Variants in DLL3 observed in about 807,000 individuals in gnomAD.
DLL3 encodes the protein delta like canonical Notch ligand 3.
DLL3 carries 49 observed loss-of-function variants against 55.0 expected under a neutral mutation model. The ratio of observed to expected loss-of-function variants is 0.89; its 90% CI spans 0.71 to 1.13. The LOEUF (loss-of-function observed/expected upper bound fraction) is 1.13. Ranked by LOEUF, DLL3 falls within the 50% of genes most tolerant of loss-of-function variation. DLL3 has a pLI of 0.00. For missense variants in DLL3, 962 were observed against 875.5 expected (o/e 1.10, Z -1.25); for synonymous variants, 421 against 385.2 (o/e 1.09, Z -1.09).
intron 7 of DLL3, 51 bp from the exon 8 acceptor site, chr19:39,507,779 G>T: frequency 6.2e-7 from 1 of 1,612,844 alleles, no homozygotes; most frequent in Non-Finnish European, 8.5e-7. Context: ...GGGAAAACAA[G>T]ATCTGAGAAT....
chr19:39,507,852 C>T lies in DLL3; in HGVS notation c.1696C>T (p.Pro566Ser). The T allele has an allele frequency of 6.2e-7, 1 of 1,614,078 alleles. No homozygotes were observed. Among genetic ancestry groups the T allele is most frequent in the Middle Eastern group, 1.6e-4 (1 of 6,062 alleles). ...CAGCTCGTCCGTAGATTGGAATCGC[C>T]CTGAAGATGTAGACCCTCAAGGGAT... ...GPSSSVDWNR[P>S]EDVDPQGIYV... The change falls in exon 8 of 9, where the codon CCT (proline) becomes TCT (serine). Residue 566 changes from proline (P) to serine (S), a missense_variant. By Grantham distance (74) the Pro-to-Ser change is moderately conservative. Transcript: ENST00000356433.
chr19:39,502,181 C>A (rs558667577), intron 3 of DLL3, among the ~76,000 whole-genome samples: 1 of 151,280 alleles, frequency 6.6e-6, no homozygotes, highest in Non-Finnish European at 1.5e-5. Context: ...AGTGAGACTC[C>A]GTCGCAAAAA....
At position 39,508,221 on chromosome 19, in the gene DLL3, C is replaced by G. The variant is rs200669115; in HGVS notation, c.1759-31C>G. On this transcript the variant is annotated intron_variant, in intron 8 of 8. Transcript: ENST00000356433. ...GGCAGGGGAGGCAGAGGGGCAGCCT[C>G]TCTAATGCTTCCTACTCATTTTGTT... 4.2e-4 allele frequency: 679 copies of G among 1,614,040 alleles called. No individual in the cohort carries two copies. Among genetic ancestry groups the G allele is most frequent in the Non-Finnish European group, 5.0e-4 (594 of 1,180,004 alleles).
chr19:39,499,587 G>A, intron 2 of DLL3, 114 bp downstream of exon 2: 1 of 1,390,052 alleles, frequency 7.2e-7, no homozygotes. Flanking sequence ...CCAGGGGGTG[G>A]ACGAAATTCC....
chr19:39,506,045 TA>T (rs2079638589), intron 6 of DLL3, among the ~76,000 whole-genome samples: 1 of 151,800 alleles, frequency 6.6e-6, no homozygotes, highest in African/African-American at 2.4e-5. Flanking sequence ...ACCCCGTCTC[TA>T]CTAAAAATAC....
chr19:39,508,373 A>T lies in DLL3; in HGVS notation c.*116A>T. 8.3e-7 allele frequency: 1 copy of T among 1,206,502 alleles called. No homozygotes were observed. The highest frequency in any genetic ancestry group is 1.2e-5 in the South Asian group (1 of 82,222). 74.7% of individuals were successfully genotyped at this position (1,206,502 alleles called of 1,614,324 possible). On this transcript the variant is annotated 3_prime_UTR_variant, in exon 9 of 9. Coordinates refer to ENST00000356433, the MANE Select transcript of DLL3 (RefSeq NM_203486.3). ...CAATCTTGAAGGGGTGTCTGGGGGA[A>T]CTTTACTGTTGCAAGTTGTAAATAA... is the stretch of plus-strand genomic sequence containing the variant.
chr19:39,501,213 G>C (rs2079607948), intron 3 of DLL3, among the ~76,000 whole-genome samples: 1 of 152,072 alleles, frequency 6.6e-6, no homozygotes, highest in Non-Finnish European at 1.5e-5. Flanking sequence ...ATGTTGTCCA[G>C]GCTGGTCTTG....
In DLL3 at chr19:39,499,310, G is replaced by A. The variant is rs1164219972; in HGVS notation, c.188G>A (p.Cys63Tyr). The change falls in exon 2 of 9, where the codon TGC (cysteine) becomes TAC (tyrosine). Residue 63 changes from cysteine to tyrosine, a missense_variant. Coordinates refer to ENST00000356433, the MANE Select transcript of DLL3 (RefSeq NM_203486.3). ...CCCTGCCGCCTCTTCTTCAGAGTCT[G>A]CCTGAAGCCTGGGCTCTCAGAGGAG... Reference protein sequence around the residue: ...RLPCRLFFRVCLKPGLSEEAA... With the variant: ...RLPCRLFFRVYLKPGLSEEAA... 2 of 1,544,776 alleles carry A rather than the reference G, an allele frequency of 1.3e-6. No individual in the cohort carries two copies. The highest frequency in any genetic ancestry group is 8.7e-7 in the Non-Finnish European group (1 of 1,149,548).
At chr19:39,506,000 C>T (rs1295303440) in intron 6 of DLL3, among the ~76,000 whole-genome samples, 2 of 151,992 alleles carry the variant, frequency 1.3e-5, no homozygotes, top group Non-Finnish European at 1.5e-5. Flanking sequence ...CACCTGAGCT[C>T]AGGAGTTGGA....
rs369324363 is a variant in DLL3, at chr19:39,500,420, TC to T, written c.352-183del. 0.24 allele frequency among the ~76,000 whole-genome samples: 22,601 copies of T among 93,456 alleles called. 2,195 individuals carry two copies. The highest frequency in any genetic ancestry group is 0.43 in the East Asian group (1,401 of 3,240). The allele number at this position is 93,456 out of a possible 152,430, so 61.3% of individuals were successfully genotyped here. A position where few individuals can be genotyped will look rare whatever the true frequency, so the allele number is the denominator to read the frequency against. On this transcript the variant is annotated intron_variant, in intron 2 of 8. Coordinates refer to ENST00000356433, the MANE Select transcript of DLL3 (RefSeq NM_203486.3). Reference sequence around the variant, plus strand: ...CAGCCTGGTTGACAAAGTGAGATTCTCCCCCCCCCCCCAAAAAAAAGCCACA... The same window carrying T: ...CAGCCTGGTTGACAAAGTGAGATTCTCCCCCCCCCCCAAAAAAAAGCCACA...
Position 39,498,962 on chromosome 19 carries a change from C to A in DLL3, c.-13C>A, listed in dbSNP as rs1414809252. The A allele has an allele frequency of 1.2e-6, 2 of 1,613,896 alleles. No individual in the cohort carries two copies. Among genetic ancestry groups the A allele is most frequent in the African/African-American group, 1.3e-5 (1 of 74,886 alleles). ...AGCAGCTGCGACTCCCGAGACCCCCCCACCAGAAGGCCATGGTCTCCCCAC... is the reference window on the plus strand; with the variant it reads ...AGCAGCTGCGACTCCCGAGACCCCCACACCAGAAGGCCATGGTCTCCCCAC... On this transcript the variant is annotated 5_prime_UTR_variant, in exon 1 of 9. Coordinates refer to ENST00000356433, the MANE Select transcript of DLL3 (RefSeq NM_203486.3).
chr19:39,508,368 G>A lies in DLL3; in HGVS notation c.*111G>A. ...GAGTTCAATCTTGAAGGGGTGTCTG[G>A]GGGAACTTTACTGTTGCAAGTTGTA... On this transcript the variant is annotated 3_prime_UTR_variant, in exon 9 of 9. Transcript: ENST00000356433. 7.8e-7 allele frequency: 1 copy of A among 1,280,804 alleles called. No homozygotes were observed. The highest frequency in any genetic ancestry group is 1.1e-6 in the Non-Finnish European group (1 of 882,348). The allele number at this position is 1,280,804 out of a possible 1,614,324, so 79.3% of individuals were successfully genotyped here.
rs765398793 is a variant in DLL3, at chr19:39,504,238, G to A, written c.820G>A (p.Gly274Arg). The A allele has an allele frequency of 6.2e-7, 1 of 1,613,080 alleles. No individual in the cohort carries two copies. Among genetic ancestry groups the A allele is most frequent in the South Asian group, 1.1e-5 (1 of 91,092 alleles). ...TGCTACCACCGGATGCCTTGTCCCT[G>A]GGCCTGGGCCCTGTGACGGGAACCC... ...SSATTGCLVP[G>R]PGPCDGNPCA... Residue 274 changes from glycine to arginine, a missense_variant, in exon 5 of 9, where the codon GGG (glycine) becomes AGG (arginine). Transcript: ENST00000356433.
In DLL3 at chr19:39,507,207, T is replaced by C. The variant is rs2144764214; in HGVS notation, c.1262T>C (p.Phe421Ser). The change falls in exon 7 of 9, where the codon TTC becomes TCC. Residue 421 changes from phenylalanine to serine, a missense_variant. Coordinates refer to ENST00000356433, the MANE Select transcript of DLL3 (RefSeq NM_203486.3). ...CACCGCTGCTCCTGCGCGCTGGGCT[T>C]CGGCGGCCGCGACTGCCGCGAGCGC... ...GAHRCSCALGFGGRDCRERAD... is the reference protein window; with the variant it reads ...GAHRCSCALGSGGRDCRERAD... 2 of 1,319,014 alleles carry C rather than the reference T, an allele frequency of 1.5e-6. No individual in the cohort carries two copies. The highest frequency in any genetic ancestry group is 1.9e-6 in the Non-Finnish European group (2 of 1,044,456). The allele number at this position is 1,319,014 out of a possible 1,614,324, so 81.7% of individuals were successfully genotyped here.
At chr19:39,506,211 C>CAAAAAAAAA (rs541216671) in intron 6 of DLL3, among the ~76,000 whole-genome samples, 1 of 54,530 alleles carries the variant, frequency 1.8e-5, no homozygotes, top group South Asian at 6.5e-4. Context: ...CACTCTGTCT[C>CAAAAAAAAA]AAAAAAAAAA....
intron 4 of DLL3, among the ~76,000 whole-genome samples, chr19:39,503,519 C>T (rs1207550244): frequency 6.6e-6 from 1 of 152,216 alleles, no homozygotes; most frequent in Admixed American, 6.5e-5. Flanking sequence ...CCTCCCAGTC[C>T]ACTCTGGCCA....
chr19:39,502,823 T>C lies in DLL3; in HGVS notation c.418T>C (p.Trp140Arg). Reference sequence around the variant, plus strand: ...TTTGCCTGTCCTCGCAGGGCCCGCCTGGAGCCTGCTGGCGCGCGTGGCTGG... The same window carrying C: ...TTTGCCTGTCCTCGCAGGGCCCGCCCGGAGCCTGCTGGCGCGCGTGGCTGG... ...ELGDQIGGPA[W>R]SLLARVAGRR... Residue 140 changes from tryptophan to arginine, a missense_variant, in exon 4 of 9, where the codon TGG becomes CGG. Coordinates refer to ENST00000356433, the MANE Select transcript of DLL3 (RefSeq NM_203486.3). The C allele has an allele frequency of 7.0e-7, 1 of 1,419,464 alleles. No individual in the cohort carries two copies. Among genetic ancestry groups the C allele is most frequent in the South Asian group, 1.5e-5 (1 of 65,810 alleles). The allele number at this position is 1,419,464 out of a possible 1,614,324, so 87.9% of individuals were successfully genotyped here.
chr19:39,502,707 T>G, intron 3 of DLL3, 108 bp from the exon 4 acceptor site: 2 of 1,244,544 alleles, frequency 1.6e-6, no homozygotes, highest in Non-Finnish European at 2.0e-6. Flanking sequence ...TCCATGAGGG[T>G]GTTTTGGCCT....
In DLL3 at chr19:39,502,909, G is replaced by T; in HGVS notation, c.504G>T (p.Trp168Cys). Reference protein sequence around the residue: ...WARDIQRAGAWELRFSYRARC... With the variant: ...WARDIQRAGACELRFSYRARC... Reference sequence around the variant, plus strand: ...GGGACATTCAGCGCGCAGGCGCCTGGGAGCTGCGCTTCTCGTACCGCGCGC... The same window carrying T: ...GGGACATTCAGCGCGCAGGCGCCTGTGAGCTGCGCTTCTCGTACCGCGCGC... The change falls in exon 4 of 9, where the codon TGG (tryptophan) becomes TGT (cysteine). Residue 168 changes from tryptophan to cysteine, a missense_variant. Trp to Cys is a radical substitution (Grantham distance 215). Transcript: ENST00000356433. The T allele has an allele frequency of 2.1e-6, 3 of 1,445,276 alleles. No homozygotes were observed. The South Asian group carries it at 4.1e-5, about 20-fold the overall frequency. The allele number at this position is 1,445,276 out of a possible 1,614,324, so 89.5% of individuals were successfully genotyped here.
Sources: gnomAD v4.1 joint callset for allele counts (sites outside exome capture counted in the v4.1 genomes callset) on GRCh38, gnomAD v4.1.1 for gene constraint, MANE v1.5 for transcripts, NCBI Gene and HGNC (gene_info 2026-07-23, HGNC 2026-07-21) for gene names.